Variants in GCKR observed in about 807,000 individuals in gnomAD.
GCKR encodes the protein glucokinase regulatory protein.
A neutral mutation model predicts 82.9 loss-of-function variants in GCKR; 73 were observed. The ratio of observed to expected loss-of-function variants is 0.88; its 90% CI spans 0.73 to 1.07. The LOEUF (loss-of-function observed/expected upper bound fraction) is 1.07, where lower values mean the gene tolerates loss of function less well. GCKR is among the 50% of genes least tolerant of loss of function. GCKR has a pLI of 0.00. For synonymous variants in GCKR, 294 were observed against 291.8 expected (o/e 1.01, Z -0.08); for missense variants, 784 against 782.1 (o/e 1.00, Z -0.03).
chr2:27,499,706 T>C (rs1335414688), intron 7 of GCKR, among the ~76,000 whole-genome samples: 1 of 152,218 alleles, frequency 6.6e-6, no homozygotes, highest in African/African-American at 2.4e-5. Flanking sequence ...GTAAGCAAAA[T>C]ATACTGGCTG....
chr2:27,518,772 T>A lies in GCKR; in HGVS notation c.1423-16T>A. ...TCCTCTAATTTTTGACACCCCCATG[T>A]GTCTGCCCTTTTCAGAAGTTCCAGC... On this transcript the variant is annotated splice_polypyrimidine_tract_variant and intron_variant, in intron 16 of 18. Transcript: ENST00000264717. 6.2e-7 allele frequency: 1 copy of A among 1,610,062 alleles called. No homozygotes were observed. The highest frequency in any genetic ancestry group is 8.5e-7 in the Non-Finnish European group (1 of 1,176,172).
In GCKR at chr2:27,506,500, C is replaced by T. The variant is rs370118462; in HGVS notation, c.889C>T (p.Arg297Trp). The T allele has an allele frequency of 1.5e-5, 25 of 1,613,274 alleles. No homozygotes were observed. Among genetic ancestry groups the T allele is most frequent in the South Asian group, 7.7e-5 (7 of 91,072 alleles). ...TCCCAGATGCCTCCTGGAAATCTTG[C>T]GGACATTTGAGCGAGCTCATCAGGT... ...ASQRCLLEIL[R>W]TFERAHQVTY... The change falls in exon 11 of 19, where the codon CGG (arginine) becomes TGG (tryptophan). Residue 297 changes from arginine (R) to tryptophan (W), a missense_variant. Arg to Trp is a moderately radical substitution (Grantham distance 101). Transcript: ENST00000264717.
At chr2:27,507,008 A>G (rs1181020385) in intron 12 of GCKR, 123 bp downstream of exon 12, 7 of 792,334 alleles carry the variant, frequency 8.8e-6, no homozygotes, top group Non-Finnish European at 1.4e-5. Flanking sequence ...TCCCTATCTA[A>G]ATAGGCACTT....
At position 27,505,403 on chromosome 2, in the gene GCKR, C is replaced by CAAA. The variant is rs200176153; in HGVS notation, c.751-301_751-299dup. Reference sequence around the variant, plus strand: ...AGGGTGACAGAGCAAGACTCCATCTCAAAAAAAAAAAAAAAAGAAAAAAAA... The same window carrying CAAA: ...AGGGTGACAGAGCAAGACTCCATCTCAAAAAAAAAAAAAAAAAAAGAAAAAAAA... On this transcript the variant is annotated intron_variant, in intron 9 of 18. Transcript: ENST00000264717. Among the ~76,000 whole-genome samples the CAAA allele has an allele frequency of 2.0e-3, 108 of 54,506 alleles. 4 individuals carry two copies. The highest frequency in any genetic ancestry group is 5.6e-3 in the African/African-American group (94 of 16,848). 35.8% of individuals were successfully genotyped at this position (54,506 alleles called of 152,430 possible).
chr2:27,505,435 CAAAG>C (rs1289245762), intron 9 of GCKR, among the ~76,000 whole-genome samples: 4 of 147,756 alleles, frequency 2.7e-5, no homozygotes, highest in Non-Finnish European at 3.0e-5. Context: ...AAAAAGAAAA[CAAAG>C]AAAAGAAAAG....
intron 6 of GCKR, 79 bp from the exon 7 acceptor site, chr2:27,499,318 G>C (rs983391888): frequency 7.3e-7 from 1 of 1,363,092 alleles, no homozygotes; most frequent in African/African-American, 1.4e-5. Context: ...CCCTGTTCCT[G>C]GCCCTGATAT....
At chr2:27,518,686 G>T in intron 16 of GCKR, 102 bp from the exon 17 acceptor site, 1 of 960,620 alleles carries the variant, frequency 1.0e-6, no homozygotes. Flanking sequence ...TTTGGTCCCT[G>T]GTTCTTGACA....
rs547978274 is a variant in GCKR at position 27,516,493 on chromosome 2, C to G, written c.1423-2295C>G. 1.1e-4 allele frequency among the ~76,000 whole-genome samples: 17 copies of G among 150,496 alleles called. No homozygotes were observed. The South Asian group carries it at 3.6e-3, about 32-fold the overall frequency. On this transcript the variant is annotated intron_variant, in intron 16 of 18. Transcript: ENST00000264717. ...TATTTTTAGTAGAGATCAGGTTTCA[C>G]CCTGTTGGCCAGGCTGGTCTCAAAC...
In GCKR at chr2:27,497,558, A is replaced by G. The variant is rs554545928; in HGVS notation, c.217-4A>G. 9.3e-5 allele frequency: 149 copies of G among 1,608,746 alleles called. 1 individual carries two copies. In the South Asian group the frequency reaches 1.5e-3, roughly 17 times the overall value. On this transcript the variant is annotated splice_region_variant and splice_polypyrimidine_tract_variant and intron_variant, in intron 2 of 18. Coordinates refer to ENST00000264717, the MANE Select transcript of GCKR (RefSeq NM_001486.4). ...GGCTTCTCATTCCTGCATATTCCCT[A>G]CAGAGACTCTACAGCGAATCCATTC...
chr2:27,514,331 T>C (rs1669955568), intron 16 of GCKR, among the ~76,000 whole-genome samples: 1 of 152,206 alleles, frequency 6.6e-6, no homozygotes, highest in African/African-American at 2.4e-5. Flanking sequence ...CTCTTCTTCC[T>C]CTTTCCCTTA....
At chr2:27,504,878 G>C (rs1669674775) in intron 9 of GCKR, among the ~76,000 whole-genome samples, 1 of 151,906 alleles carries the variant, frequency 6.6e-6, no homozygotes, top group Non-Finnish European at 1.5e-5. Context: ...TGTAATCCCA[G>C]CATTTGGGAG....
chr2:27,499,332 C>G, intron 6 of GCKR, 65 bp from the exon 7 acceptor site: 1 of 1,408,910 alleles, frequency 7.1e-7, no homozygotes, highest in East Asian at 2.3e-5. Flanking sequence ...CTGATATCCT[C>G]ACACAGTAGA....
At chr2:27,506,231 C>T (rs1189990822) in intron 10 of GCKR, among the ~76,000 whole-genome samples, 1 of 152,166 alleles carries the variant, frequency 6.6e-6, no homozygotes, top group African/African-American at 2.4e-5. Context: ...CCCAGTGGCT[C>T]TCAGATCCTG....
chr2:27,523,488 C>G lies in GCKR; in HGVS notation c.*49C>G. On this transcript the variant is annotated 3_prime_UTR_variant, in exon 19 of 19. Transcript: ENST00000264717. The stretch of plus-strand genomic sequence containing the variant: ...AGGGGCCCAACCCTGCCCACTTCAG[C>G]CCAGCCCGCCCAAGGGGACTTGTGC... 1 of 1,570,746 alleles carries G rather than the reference C, an allele frequency of 6.4e-7. No individual in the cohort carries two copies. Among genetic ancestry groups the G allele is most frequent in the Non-Finnish European group, 8.7e-7 (1 of 1,153,964 alleles).
At chr2:27,515,940 A>T (rs866697769) in intron 16 of GCKR, among the ~76,000 whole-genome samples, 2,339 of 131,950 alleles carry the variant, frequency 0.018, 67 homozygotes, top group African/African-American at 0.062. Flanking sequence ...ATTAAACAAA[A>T]TTTTTTTTTT....
rs945098222 is a variant in GCKR, at chr2:27,506,848, C to T, written c.1029C>T (p.Ile343=). Residue 343 remains isoleucine, a synonymous_variant, in exon 12 of 19, where the codon ATC becomes ATT. Coordinates refer to ENST00000264717, the MANE Select transcript of GCKR (RefSeq NM_001486.4). ...GGCAGACCCTGGGCATCATTGCCAT[C>T]ATGGATGGAGTAGAGTGCATCCACA... The part of the protein sequence containing the change: ...VGWQTLGIIA[I]MDGVECIHTF... 2 of 1,613,136 alleles carry T rather than the reference C, an allele frequency of 1.2e-6. No homozygotes were observed. Among genetic ancestry groups the T allele is most frequent in the Admixed American group, 1.7e-5 (1 of 60,018 alleles).
intron 7 of GCKR, 49 bp from the exon 8 acceptor site, chr2:27,501,086 C>A: frequency 1.6e-6 from 2 of 1,274,788 alleles, no homozygotes; most frequent in Non-Finnish European, 2.3e-6. Context: ...TTGGGCACCA[C>A]TCAGAGTAAT....
chr2:27,499,354 G>A (rs202099374), intron 6 of GCKR, 43 bp from the exon 7 acceptor site: 12 of 1,515,958 alleles, frequency 7.9e-6, no homozygotes, highest in Admixed American at 1.7e-5. Context: ...TTGTGCCCTG[G>A]AATCCTCCCA....
At chr2:27,506,958 T>G (rs535387591) in intron 12 of GCKR, 73 bp downstream of exon 12, 1 of 987,874 alleles carries the variant, frequency 1.0e-6, no homozygotes, top group East Asian at 2.4e-5. Flanking sequence ...CCAAACACTG[T>G]CCTACTCCCA....
Sources: gnomAD v4.1 joint callset for allele counts (sites outside exome capture counted in the v4.1 genomes callset) on GRCh38, gnomAD v4.1.1 for gene constraint, MANE v1.5 for transcripts, NCBI Gene and HGNC (gene_info 2026-07-23, HGNC 2026-07-21) for gene names.